The following NALCN variants were observed in gnomAD, a reference collection of about 807,000 sequenced individuals.
NALCN encodes the protein sodium leak channel, non-selective, also known as sodium leak channel NALCN.
NALCN carries 111 observed loss-of-function variants against 225.3 expected under a neutral mutation model. The ratio of observed to expected loss-of-function variants is 0.49; its 90% CI spans 0.42 to 0.58. The LOEUF (loss-of-function observed/expected upper bound fraction) is 0.58, where lower values mean the gene tolerates loss of function less well. Among genes scored for constraint, NALCN ranks in the 20% least tolerant of loss-of-function variants. NALCN has a pLI of 0.00. For missense variants in NALCN, 1,378 were observed against 2,202.4 expected (o/e 0.63, Z 7.49); for synonymous variants, 764 against 769.0 (o/e 0.99, Z 0.11).
chr13:101,106,680 A>G (rs765218871), intron 22 of NALCN, among the ~76,000 whole-genome samples: 34 of 152,064 alleles, frequency 2.2e-4, no homozygotes, highest in Admixed American at 1.3e-3. Context: ...AGATCTGATG[A>G]TTTTATGAGG....
At chr13:101,220,657 A>G (rs1359635629) in intron 13 of NALCN, among the ~76,000 whole-genome samples, 1 of 152,208 alleles carries the variant, frequency 6.6e-6, no homozygotes, top group Non-Finnish European at 1.5e-5. Context: ...TTTCATTATG[A>G]TGGTCAAAAT....
At chr13:101,058,302 G>A (rs927490701) in intron 42 of NALCN, 10 of 449,708 alleles carry the variant, frequency 2.2e-5, no homozygotes, top group Non-Finnish European at 3.9e-5. Flanking sequence ...AACCCCCACT[G>A]CTTCGTTCCC....
chr13:101,253,596 A>C (rs1171424559), intron 11 of NALCN, among the ~76,000 whole-genome samples: 1 of 152,182 alleles, frequency 6.6e-6, no homozygotes, highest in Non-Finnish European at 1.5e-5. Context: ...TCATAGCTTT[A>C]TTGTTGTCAG....
At chr13:101,186,538 G>A (rs931126719) in intron 14 of NALCN, among the ~76,000 whole-genome samples, 5 of 152,084 alleles carry the variant, frequency 3.3e-5, no homozygotes, top group African/African-American at 1.2e-4. Flanking sequence ...TTGTGAACTG[G>A]GGAAGTGACT....
chr13:101,366,281 T>C (rs1029513263), intron 6 of NALCN, among the ~76,000 whole-genome samples: 5 of 152,196 alleles, frequency 3.3e-5, no homozygotes, highest in African/African-American at 1.2e-4. Context: ...TAAGATTTCC[T>C]GCTATTGGGC....
chr13:101,339,421 T>C (rs1410953837), intron 7 of NALCN, among the ~76,000 whole-genome samples: 1 of 152,206 alleles, frequency 6.6e-6, no homozygotes, highest in Non-Finnish European at 1.5e-5. Context: ...ATGAGTCAGT[T>C]GGGGGTCCTT....
intron 6 of NALCN, among the ~76,000 whole-genome samples, chr13:101,351,012 CAT>C (rs2045892424): frequency 6.6e-6 from 1 of 152,128 alleles, no homozygotes; most frequent in African/African-American, 2.4e-5. Flanking sequence ...AGCCAACATA[CAT>C]ATATGTATAT....
chr13:101,124,039 CTCA>C (rs1262939372), intron 18 of NALCN, among the ~76,000 whole-genome samples: 2 of 152,154 alleles, frequency 1.3e-5, no homozygotes, highest in Non-Finnish European at 2.9e-5. Context: ...TGTTTTTATA[CTCA>C]TCATGTTACT....
Position 101,332,058 on chromosome 13 carries a change from G to C in NALCN, c.799+13208C>G, listed in dbSNP as rs185258964. ...GAACCCGCCCATTGTGTGGTAACAA[G>C]AGAAGTCAAGAAAATAGAGGGAAGT... On this transcript the variant is annotated intron_variant, in intron 7 of 43. Transcript: ENST00000251127. 4.5e-4 allele frequency among the ~76,000 whole-genome samples: 68 copies of C among 152,228 alleles called. 1 individual carries two copies. Among genetic ancestry groups the C allele is most frequent in the Admixed American group, 1.0e-3 (16 of 15,288 alleles).
rs1160708916 is a variant in NALCN, at chr13:101,221,252, G to A, written c.1626+8141C>T. On this transcript the variant is annotated intron_variant, in intron 13 of 43. Transcript: ENST00000251127. ...TCCTGCCTCAGCCTCCTGAGTAGCT[G>A]GGATTACAGGCACACGCCACCACAC... 2.6e-5 allele frequency among the ~76,000 whole-genome samples: 4 copies of A among 152,056 alleles called. No homozygotes were observed. In the East Asian group the frequency reaches 7.7e-4, roughly 29 times the overall value.
At chr13:101,119,088 C>G (rs967821977) in intron 18 of NALCN, among the ~76,000 whole-genome samples, 10 of 152,138 alleles carry the variant, frequency 6.6e-5, no homozygotes, top group Non-Finnish European at 1.3e-4. Context: ...ATGTGAGACA[C>G]TACAGAGATA....
chr13:101,184,816 ACT>A (rs766491654), intron 14 of NALCN, among the ~76,000 whole-genome samples: 17 of 152,062 alleles, frequency 1.1e-4, no homozygotes, highest in Admixed American at 2.6e-4. Flanking sequence ...ATTCTCTCTG[ACT>A]CTGCAGATAG....
chr13:101,156,976 A>T (rs1017735893), intron 15 of NALCN, among the ~76,000 whole-genome samples: 2 of 152,198 alleles, frequency 1.3e-5, no homozygotes, highest in Non-Finnish European at 2.9e-5. Context: ...AAAAGGGCTT[A>T]TTAGATACAC....
intron 7 of NALCN, among the ~76,000 whole-genome samples, chr13:101,338,130 G>A (rs1337188192): frequency 1.3e-5 from 2 of 152,204 alleles, no homozygotes; most frequent in Non-Finnish European, 2.9e-5. Context: ...AGAATACAGT[G>A]TTTATTATTT....
intron 39 of NALCN, among the ~76,000 whole-genome samples, chr13:101,067,369 G>C (rs1055282946): frequency 6.6e-6 from 1 of 150,962 alleles, no homozygotes; most frequent in Non-Finnish European, 1.5e-5. Context: ...TAGGAGGAAG[G>C]GAAGGAGGTG....
intron 10 of NALCN, among the ~76,000 whole-genome samples, chr13:101,271,413 C>T (rs2042770809): frequency 6.6e-6 from 1 of 152,036 alleles, no homozygotes; most frequent in Admixed American, 6.6e-5. Flanking sequence ...TTCAAAATTA[C>T]AATAGGCCTT....
intron 13 of NALCN, among the ~76,000 whole-genome samples, chr13:101,193,209 C>A (rs2140009004): frequency 6.6e-6 from 1 of 151,828 alleles, no homozygotes; most frequent in Non-Finnish European, 1.5e-5. Context: ...AGCACCCAGG[C>A]ATTAGGACTC....
chr13:101,108,465 A>T (rs2035259826), intron 20 of NALCN, among the ~76,000 whole-genome samples: 1 of 152,202 alleles, frequency 6.6e-6, no homozygotes, highest in Non-Finnish European at 1.5e-5. Context: ...TTTTTAAAAA[A>T]TCACAATGGG....
In NALCN at chr13:101,219,177, C is replaced by T. The variant is rs183221432; in HGVS notation, c.1626+10216G>A. ...TCAGTGAAAGATCCAGTCCTGACTT[C>T]CTGAAAGCTACCTGATCTCTTGAAT... On this transcript the variant is annotated intron_variant, in intron 13 of 43. Coordinates refer to ENST00000251127, the MANE Select transcript of NALCN (RefSeq NM_052867.4). Among the ~76,000 whole-genome samples the T allele has an allele frequency of 1.4e-4, 22 of 152,300 alleles. 1 individual carries two copies. Among genetic ancestry groups the T allele is most frequent in the African/African-American group, 4.8e-4 (20 of 41,580 alleles).
Sources: allele counts gnomAD v4.1 joint callset (sites outside exome capture counted in the v4.1 genomes callset), GRCh38; gene constraint gnomAD v4.1.1; transcripts MANE v1.5; gene names NCBI Gene and HGNC (gene_info 2026-07-23, HGNC 2026-07-21).